Variants in SKIC3 observed in about 807,000 individuals in gnomAD.
The protein encoded by SKIC3 is superkiller complex protein 3.
chr5:95,522,092 A>T, the SKIC3 span: 1 of 1,613,720 alleles, frequency 6.2e-7, no homozygotes, highest in Non-Finnish European at 8.5e-7. Flanking sequence ...CTTTTTAATG[A>T]TCATCTGGTA....
the SKIC3 span, among the ~76,000 whole-genome samples, chr5:95,486,521 G>A: frequency 7.9e-5 from 12 of 152,194 alleles, no homozygotes; most frequent in East Asian, 1.4e-3. Context: ...CTGGCAGCCC[G>A]GCATCACTCT....
the SKIC3 span, among the ~76,000 whole-genome samples, chr5:95,486,428 T>C: frequency 2.0e-5 from 3 of 152,204 alleles, no homozygotes; most frequent in Non-Finnish European, 2.9e-5. Context: ...TGCAACCCTA[T>C]GGCTGCTCAC....
chr5:95,483,676 G>A, the SKIC3 span, among the ~76,000 whole-genome samples: 178 of 152,232 alleles, frequency 1.2e-3, no homozygotes, highest in Admixed American at 5.8e-3. Flanking sequence ...TATGAAATAC[G>A]ATGTTTTCAG....
At chr5:95,532,717 C>T in the SKIC3 span, among the ~76,000 whole-genome samples, 6 of 152,094 alleles carry the variant, frequency 3.9e-5, no homozygotes, top group African/African-American at 1.4e-4. Flanking sequence ...CATTTAACAA[C>T]TTTAAAACAG....
the SKIC3 span, among the ~76,000 whole-genome samples, chr5:95,505,750 T>C: frequency 4.0e-5 from 6 of 151,596 alleles, no homozygotes; most frequent in African/African-American, 2.4e-5. Flanking sequence ...GAGGTGGAGG[T>C]TGCAGTGAGC....
At chr5:95,523,401 A>T in the SKIC3 span, 7 of 1,461,368 alleles carry the variant, frequency 4.8e-6, 1 homozygote, top group South Asian at 8.5e-5. Flanking sequence ...AAAGTACACA[A>T]ACATATTTTC....
At chr5:95,498,034 C>T in the SKIC3 span, among the ~76,000 whole-genome samples, 1 of 152,042 alleles carries the variant, frequency 6.6e-6, no homozygotes, top group African/African-American at 2.4e-5. Context: ...AATCTTTAAA[C>T]GGCTGAAAAT....
the SKIC3 span, chr5:95,540,667 T>C: frequency 8.1e-6 from 13 of 1,613,538 alleles, no homozygotes; most frequent in African/African-American, 5.3e-5. Context: ...ATGAACAAAC[T>C]TGAGGAATAA....
chr5:95,531,492 A>G, the SKIC3 span, among the ~76,000 whole-genome samples: 52 of 152,286 alleles, frequency 3.4e-4, 1 homozygote, highest in Middle Eastern at 3.4e-3. Context: ...CCAAAAATAG[A>G]TATGTCTAGT....
chr5:95,502,494 A>T, the SKIC3 span, among the ~76,000 whole-genome samples: 1 of 152,246 alleles, frequency 6.6e-6, no homozygotes. Flanking sequence ...TTTACCTTTA[A>T]ATGAACCTTT....
the SKIC3 span, among the ~76,000 whole-genome samples, chr5:95,497,150 T>A: frequency 1.3e-5 from 2 of 152,240 alleles, no homozygotes; most frequent in East Asian, 3.8e-4. Flanking sequence ...TCTGCATGTG[T>A]TCAAAGAGAT....
At chr5:95,511,158 C>T in the SKIC3 span, among the ~76,000 whole-genome samples, 212 of 152,314 alleles carry the variant, frequency 1.4e-3, no homozygotes, top group African/African-American at 3.9e-3. Flanking sequence ...CGCCTGTAAT[C>T]CCAACACTTT....
chr5:95,473,138 T>TG, the SKIC3 span, among the ~76,000 whole-genome samples: 1 of 152,220 alleles, frequency 6.6e-6, no homozygotes, highest in Non-Finnish European at 1.5e-5. Context: ...ATAGGATTGC[T>TG]GGGTCAAATG....
At chr5:95,539,475 G>T in the SKIC3 span, among the ~76,000 whole-genome samples, 1 of 152,076 alleles carries the variant, frequency 6.6e-6, no homozygotes, top group Admixed American at 6.5e-5. Flanking sequence ...TGGTAAAAAG[G>T]AAACACTTCT....
At chr5:95,520,694 AAAT>A in the SKIC3 span, 2 of 1,566,016 alleles carry the variant, frequency 1.3e-6, no homozygotes, top group Non-Finnish European at 8.7e-7. Flanking sequence ...AATAAACAAT[AAAT>A]AATAAGAATA....
the SKIC3 span, chr5:95,541,915 AGAAG>A: frequency 6.4e-7 from 1 of 1,561,638 alleles, no homozygotes; most frequent in Non-Finnish European, 8.8e-7. Context: ...CCCTAAAAGA[AGAAG>A]TACTCATGAT....
At chr5:95,552,195 C>T in the SKIC3 span, among the ~76,000 whole-genome samples, 1 of 152,106 alleles carries the variant, frequency 6.6e-6, no homozygotes, top group Non-Finnish European at 1.5e-5. Context: ...CCATAAGAAG[C>T]ATCTGTATTC....
chr5:95,500,426 C>G, the SKIC3 span, among the ~76,000 whole-genome samples: 1 of 152,178 alleles, frequency 6.6e-6, no homozygotes, highest in African/African-American at 2.4e-5. Context: ...AAAATAATAT[C>G]TGACACTGTC....
the SKIC3 span, chr5:95,517,421 T>A: frequency 1.5e-6 from 2 of 1,354,358 alleles, no homozygotes; most frequent in Non-Finnish European, 2.1e-6. Flanking sequence ...GTACATTAAG[T>A]ACTTTACTAG....
Sources: gnomAD v4.1 joint callset for allele counts (sites outside exome capture counted in the v4.1 genomes callset) on GRCh38, gnomAD v4.1.1 for gene constraint, MANE v1.5 for transcripts, NCBI Gene and HGNC (gene_info 2026-07-23, HGNC 2026-07-21) for gene names.